The following CXADR variants were observed in gnomAD, a reference collection of about 807,000 sequenced individuals.
The protein encoded by CXADR is coxsackievirus and adenovirus receptor.
CXADR carries 20 observed loss-of-function variants against 40.3 expected under a neutral mutation model. The observed-to-expected ratio is 0.50, with a 90% confidence interval of 0.35 to 0.72. The LOEUF is 0.72. Ranked by LOEUF, CXADR falls within the 30% of genes least tolerant of loss-of-function variation. CXADR has a pLI of 0.01. For missense variants in CXADR, 332 were observed against 449.1 expected, an observed-to-expected ratio of 0.74 and a Z score of 2.36; for synonymous variants, 150 against 161.3, an observed-to-expected ratio of 0.93 and a Z score of 0.53.
chr21:17,608,373 CAAAA>C, the CXADR span, among the ~76,000 whole-genome samples: 2 of 137,166 alleles, frequency 1.5e-5, no homozygotes, highest in African/African-American at 5.4e-5. Context: ...AACAATACCA[CAAAA>C]AAAAAAAACT....
intron 1 of CXADR, chr21:17,530,300 A>G: frequency 2.6e-6 from 1 of 382,452 alleles, no homozygotes; most frequent in Non-Finnish European, 5.1e-6. Flanking sequence ...TCTGATTTCT[A>G]ACAATGTAGA....
rs1376446950 is a variant in CXADR at position 17,518,567 on chromosome 21, C to T, written c.43+5395C>T. On this transcript the variant is annotated intron_variant, in intron 1 of 6. Transcript: ENST00000284878. ...GCCTCATCAAAATTTTCTACAAGAT[C>T]GGGAACATCATCATCCTCCTCATCA... 7 of 1,211,572 alleles carry T rather than the reference C, an allele frequency of 5.8e-6. No homozygotes were observed. In the African/African-American group the frequency reaches 6.0e-5, roughly 10 times the overall value. 75.1% of individuals were successfully genotyped at this position (1,211,572 alleles called of 1,614,324 possible).
At chr21:17,541,449 CG>C (rs959127609) in intron 1 of CXADR, among the ~76,000 whole-genome samples, 1 of 151,876 alleles carries the variant, frequency 6.6e-6, no homozygotes, top group African/African-American at 2.4e-5. Context: ...CCCAGCTACC[CG>C]GGAGGCTTGA....
At chr21:17,635,773 A>G in the CXADR span, among the ~76,000 whole-genome samples, 1 of 152,174 alleles carries the variant, frequency 6.6e-6, no homozygotes, top group African/African-American at 2.4e-5. Flanking sequence ...TCTGTTCTAG[A>G]TCTTCTGCAC....
chr21:17,610,114 C>T, the CXADR span, among the ~76,000 whole-genome samples: 2 of 152,102 alleles, frequency 1.3e-5, no homozygotes, highest in African/African-American at 4.8e-5. Flanking sequence ...TATGAAATAT[C>T]CAGAATAAGC....
chr21:17,526,460 A>G (rs1342056885), intron 1 of CXADR, among the ~76,000 whole-genome samples: 1 of 152,240 alleles, frequency 6.6e-6, no homozygotes, highest in Non-Finnish European at 1.5e-5. Context: ...CATCTTGAGT[A>G]TAAAGCAGAA....
chr21:17,525,029 TAAAA>T (rs1235183704), intron 1 of CXADR, among the ~76,000 whole-genome samples: 2 of 152,048 alleles, frequency 1.3e-5, no homozygotes, highest in East Asian at 1.9e-4. Flanking sequence ...GATCTATTGA[TAAAA>T]AAAGGAAGAT....
rs974299441 is a variant in CXADR, at chr21:17,569,299, C to A, written c.*3607C>A. The A allele has an allele frequency of 3.0e-6, 3 of 985,104 alleles. No individual in the cohort carries two copies. Among genetic ancestry groups the A allele is most frequent in the Non-Finnish European group, 3.6e-6 (3 of 829,910 alleles). The allele number at this position is 985,104 out of a possible 1,614,324, so 61.0% of individuals were successfully genotyped here. A position where few individuals can be genotyped will look rare whatever the true frequency, so the allele number is the denominator to read the frequency against. ...ATGTGGTTAATGCTTTGATGTGTCA[C>A]ATAAAGAGTAGTTTGTAGAAAATGT... On this transcript the variant is annotated 3_prime_UTR_variant, in exon 7 of 7. Coordinates refer to ENST00000284878, the MANE Select transcript of CXADR (RefSeq NM_001338.5).
At chr21:17,534,030 CTATATATATATATAT>C (rs2060714461) in intron 1 of CXADR, among the ~76,000 whole-genome samples, 1 of 96,102 alleles carries the variant, frequency 1.0e-5, no homozygotes, top group African/African-American at 3.9e-5. Context: ...ATATATATAG[CTATATATATATATAT>C]ACACATATAT....
At position 17,569,414 on chromosome 21, in the gene CXADR, A is replaced by G. The variant is rs1010297242; in HGVS notation, c.*3722A>G. Reference sequence around the variant, plus strand: ...TCTTTATAACATTCCTGTGTTTAGTAGTGTAAATGTTCTGGGCAAGTTTTA... The same window carrying G: ...TCTTTATAACATTCCTGTGTTTAGTGGTGTAAATGTTCTGGGCAAGTTTTA... On this transcript the variant is annotated 3_prime_UTR_variant, in exon 7 of 7. Transcript: ENST00000284878. 5.4e-5 allele frequency: 53 copies of G among 984,852 alleles called. No individual in the cohort carries two copies. Among genetic ancestry groups the G allele is most frequent in the Non-Finnish European group, 6.4e-5 (53 of 829,850 alleles). 61.0% of individuals were successfully genotyped at this position (984,852 alleles called of 1,614,324 possible).
rs760387888 is a variant in CXADR at position 17,551,946 on chromosome 21, A to G, written c.408A>G (p.Val136=). The G allele has an allele frequency of 6.2e-7, 1 of 1,612,032 alleles. No individual in the cohort carries two copies. Among genetic ancestry groups the G allele is most frequent in the Admixed American group, 1.7e-5 (1 of 59,972 alleles). Residue 136 remains valine (V), a synonymous_variant, in exon 3 of 7, where the codon GTA becomes GTG. Coordinates refer to ENST00000284878, the MANE Select transcript of CXADR (RefSeq NM_001338.5). ...PGVANKKIHL[V]VLVKPSGARC... ...TTGCAAATAAGAAGATTCATCTGGT[A>G]GTTCTTGGTAAGTTATTTTTATTTG... is the stretch of plus-strand genomic sequence containing the variant.
chr21:17,599,475 AT>A, the CXADR span, among the ~76,000 whole-genome samples: 278 of 117,218 alleles, frequency 2.4e-3, 2 homozygotes, highest in South Asian at 0.014. Flanking sequence ...CCACTGGCTG[AT>A]TTTTTTTTTT....
intron 3 of CXADR, among the ~76,000 whole-genome samples, chr21:17,555,217 A>G (rs559974557): frequency 3.3e-4 from 50 of 152,318 alleles, no homozygotes; most frequent in Non-Finnish European, 6.6e-4. Context: ...TGAAGAGCAG[A>G]ACATGCACAG....
chr21:17,564,321 TAA>T (rs35399069), intron 6 of CXADR, among the ~76,000 whole-genome samples: 7 of 138,968 alleles, frequency 5.0e-5, no homozygotes, highest in Admixed American at 7.3e-5. Flanking sequence ...ATGTCTCTAT[TAA>T]AAAAAAAAAA....
intron 1 of CXADR, chr21:17,518,933 C>T (rs1488844287): frequency 6.3e-7 from 1 of 1,584,170 alleles, no homozygotes; most frequent in East Asian, 2.2e-5. Context: ...TTTCTGCGAG[C>T]TGTACCCTTG....
chr21:17,593,908 A>G (rs997518519), downstream of CXADR: 23 of 748,494 alleles, frequency 3.1e-5, no homozygotes, highest in South Asian at 2.4e-4. Context: ...TTCTCAAACT[A>G]TATCAATATC....
chr21:17,562,890 T>C (rs2061143872), intron 6 of CXADR, among the ~76,000 whole-genome samples: 1 of 152,216 alleles, frequency 6.6e-6, no homozygotes, highest in East Asian at 1.9e-4. Context: ...CTTGATAGAA[T>C]TGAATAGAGT....
At chr21:17,621,716 C>T in the CXADR span, among the ~76,000 whole-genome samples, 9 of 152,128 alleles carry the variant, frequency 5.9e-5, no homozygotes, top group African/African-American at 2.2e-4. Flanking sequence ...CTCTAGAGGA[C>T]GCATCTCTCA....
At chr21:17,623,773 A>C in the CXADR span, among the ~76,000 whole-genome samples, 1 of 152,146 alleles carries the variant, frequency 6.6e-6, no homozygotes, top group African/African-American at 2.4e-5. Context: ...GGGACCAAAA[A>C]TTTTGGAGTC....
Sources: gnomAD v4.1 joint callset for allele counts (sites outside exome capture counted in the v4.1 genomes callset) on GRCh38, gnomAD v4.1.1 for gene constraint, MANE v1.5 for transcripts, NCBI Gene and HGNC (gene_info 2026-07-23, HGNC 2026-07-21) for gene names.